The following CRYBA4 variants were observed in gnomAD, a reference collection of about 807,000 sequenced individuals.
The protein encoded by CRYBA4 is beta-crystallin A4.
Under a neutral mutation model 31.7 loss-of-function variants are expected in CRYBA4, and 30 were observed. The ratio of observed to expected loss-of-function variants is 0.95; its 90% confidence interval spans 0.71 to 1.28. CRYBA4 has a LOEUF of 1.28. Among genes scored for constraint, CRYBA4 ranks in the 50% most tolerant of loss-of-function variants. The pLI is 0.00. For missense variants in CRYBA4, 225 were observed against 260.7 expected (o/e 0.86, Z 0.94); for synonymous variants, 102 against 102.3 (o/e 1.00, Z 0.02).
the CRYBA4 span, among the ~76,000 whole-genome samples, chr22:26,600,002 AC>A: frequency 1.3e-5 from 2 of 152,226 alleles, 1 homozygote; most frequent in Non-Finnish European, 2.9e-5. Context: ...ATCCCATTAA[AC>A]GTGATGATGC....
the CRYBA4 span, among the ~76,000 whole-genome samples, chr22:26,592,780 G>A: frequency 6.6e-6 from 1 of 152,192 alleles, no homozygotes; most frequent in African/African-American, 2.4e-5. Context: ...AGAAGAAACA[G>A]GCAGAAACTG....
chr22:26,610,778 G>A, the CRYBA4 span, among the ~76,000 whole-genome samples: 1 of 152,178 alleles, frequency 6.6e-6, no homozygotes, highest in East Asian at 1.9e-4. Flanking sequence ...GTGAGGAGTG[G>A]TGAGGGCCAT....
At chr22:26,622,964 C>A (rs776347866) in intron 2 of CRYBA4, among the ~76,000 whole-genome samples, 1 of 152,196 alleles carries the variant, frequency 6.6e-6, no homozygotes, top group Non-Finnish European at 1.5e-5. Context: ...CATAAAAGTC[C>A]AGATCTAGTG....
At chr22:26,595,176 G>A in the CRYBA4 span, among the ~76,000 whole-genome samples, 4 of 152,032 alleles carry the variant, frequency 2.6e-5, no homozygotes, top group Non-Finnish European at 5.9e-5. Flanking sequence ...AAATTCATTA[G>A]CAAACAATAC....
chr22:26,601,953 C>T, the CRYBA4 span: 2 of 1,613,594 alleles, frequency 1.2e-6, no homozygotes, highest in South Asian at 1.1e-5. Flanking sequence ...CGTCGTCCCC[C>T]TGGATCTCTA....
the CRYBA4 span, among the ~76,000 whole-genome samples, chr22:26,597,406 A>G: frequency 6.6e-6 from 1 of 152,208 alleles, no homozygotes; most frequent in African/African-American, 2.4e-5. Context: ...CCAGATTTAT[A>G]CCAATAATTT....
At chr22:26,627,470 T>TTC (rs1929770999) in intron 4 of CRYBA4, among the ~76,000 whole-genome samples, 4 of 101,448 alleles carry the variant, frequency 3.9e-5, no homozygotes, top group South Asian at 7.4e-4. Flanking sequence ...CTTTCTTTCT[T>TTC]TCTTTCTCTT....
At chr22:26,615,806 G>A in the CRYBA4 span, among the ~76,000 whole-genome samples, 48 of 152,260 alleles carry the variant, frequency 3.2e-4, no homozygotes, top group Non-Finnish European at 5.7e-4. Flanking sequence ...GAGCCACTGC[G>A]CCCGGCCCCA....
the CRYBA4 span, among the ~76,000 whole-genome samples, chr22:26,615,658 C>T: frequency 1.3e-5 from 2 of 152,078 alleles, no homozygotes; most frequent in African/African-American, 2.4e-5. Context: ...GGATTACAGG[C>T]GCCCACCACT....
the CRYBA4 span, among the ~76,000 whole-genome samples, chr22:26,610,249 G>T: frequency 6.6e-6 from 1 of 152,146 alleles, no homozygotes; most frequent in East Asian, 1.9e-4. Flanking sequence ...CCAGCCTAAG[G>T]TCACATGATG....
At chr22:26,627,488 TTTTCTTTCTTTCTTTC>T (rs201917169) in intron 4 of CRYBA4, among the ~76,000 whole-genome samples, 5,588 of 81,520 alleles carry the variant, frequency 0.069, 640 homozygotes, top group African/African-American at 0.17. Context: ...CTTTCTTTCC[TTTTCTTTCTTTCTTTC>T]TTTCTTTCTT....
chr22:26,594,522 G>T, the CRYBA4 span, among the ~76,000 whole-genome samples: 3 of 152,136 alleles, frequency 2.0e-5, no homozygotes, highest in Non-Finnish European at 4.4e-5. Context: ...TTCACAAGCT[G>T]GGATCTATCT....
chr22:26,595,579 CAAAA>C, the CRYBA4 span, among the ~76,000 whole-genome samples: 5 of 126,234 alleles, frequency 4.0e-5, no homozygotes, highest in Non-Finnish European at 5.1e-5. Context: ...AACTCCGTCT[CAAAA>C]AAAAAAAAAA....
Position 26,630,577 on chromosome 22 carries a change from C to T in CRYBA4, c.*90C>T. On this transcript the variant is annotated 3_prime_UTR_variant, in exon 6 of 6. Transcript: ENST00000354760. Reference sequence around the variant, plus strand: ...GGTGTGTTCTCTCCTTCTGCCTCCCCCTGTAACCTGTGTGAACCCAGCACC... The same window carrying T: ...GGTGTGTTCTCTCCTTCTGCCTCCCTCTGTAACCTGTGTGAACCCAGCACC... 1.7e-6 allele frequency: 2 copies of T among 1,145,846 alleles called. No individual in the cohort carries two copies. Among genetic ancestry groups the T allele is most frequent in the South Asian group, 1.3e-5 (1 of 75,726 alleles). 71.0% of individuals were successfully genotyped at this position (1,145,846 alleles called of 1,614,324 possible).
chr22:26,591,772 G>A, the CRYBA4 span, among the ~76,000 whole-genome samples: 13 of 151,508 alleles, frequency 8.6e-5, no homozygotes, highest in African/African-American at 2.9e-4. Context: ...GCAGGGCATG[G>A]TGCTGCTCAC....
upstream of CRYBA4, among the ~76,000 whole-genome samples, chr22:26,619,639 C>G (rs1438417267): frequency 6.6e-6 from 1 of 152,212 alleles, no homozygotes; most frequent in East Asian, 1.9e-4. Flanking sequence ...CCTCCACCAC[C>G]CAGCACCCCC....
At chr22:26,617,574 T>TTC (rs144409587), upstream of CRYBA4, among the ~76,000 whole-genome samples, 1 of 151,296 alleles carries the variant, frequency 6.6e-6, no homozygotes, top group African/African-American at 2.4e-5. Context: ...GATATTCTCA[T>TTC]TCTCTCTCTC....
the CRYBA4 span, among the ~76,000 whole-genome samples, chr22:26,611,360 T>G: frequency 6.6e-6 from 1 of 152,208 alleles, no homozygotes; most frequent in African/African-American, 2.4e-5. Flanking sequence ...ATGCTTATCA[T>G]TACTCCCAGG....
At chr22:26,607,485 A>T in the CRYBA4 span, among the ~76,000 whole-genome samples, 1 of 147,538 alleles carries the variant, frequency 6.8e-6, no homozygotes, top group Non-Finnish European at 1.5e-5. Context: ...TGAGGCCAGG[A>T]GTTCAAGGCT....
Sources: allele counts gnomAD v4.1 joint callset (sites outside exome capture counted in the v4.1 genomes callset), GRCh38; gene constraint gnomAD v4.1.1; transcripts MANE v1.5; gene names NCBI Gene and HGNC (gene_info 2026-07-23, HGNC 2026-07-21).